Variants in TRIQK observed in about 807,000 individuals in gnomAD.
TRIQK encodes the protein triple QxxK/R motif-containing protein.
A neutral mutation model predicts 10.8 loss-of-function variants in TRIQK; 10 were observed. That is an observed-to-expected ratio of 0.92 (90% CI 0.57 to 1.57). TRIQK has a LOEUF of 1.57. TRIQK is among the 40% of genes most tolerant of loss of function. TRIQK has a pLI of 0.00. For synonymous variants in TRIQK, 33 were observed against 33.7 expected (o/e 0.98, Z 0.07); for missense variants, 107 against 97.7 (o/e 1.09, Z -0.40).
At chr8:93,008,147 AGGAG>A (rs1813292834) in intron 1 of TRIQK, among the ~76,000 whole-genome samples, 1 of 152,176 alleles carries the variant, frequency 6.6e-6, no homozygotes, top group Non-Finnish European at 1.5e-5. Context: ...GGGGGTGGAC[AGGAG>A]GGAGAGCATC....
chr8:92,897,001 G>A (rs1224809278), intron 3 of TRIQK, among the ~76,000 whole-genome samples: 1 of 151,968 alleles, frequency 6.6e-6, no homozygotes, highest in African/African-American at 2.4e-5. Flanking sequence ...ATTTTTAGTA[G>A]AGATGGGGTT....
intron 1 of TRIQK, among the ~76,000 whole-genome samples, chr8:92,988,391 TGAAAA>T (rs926908163): frequency 2.6e-4 from 40 of 152,276 alleles, no homozygotes; most frequent in African/African-American, 7.9e-4. Context: ...ATAAATTAAA[TGAAAA>T]GAAAAGTATG....
intron 3 of TRIQK, among the ~76,000 whole-genome samples, chr8:92,897,057 T>C (rs367668538): frequency 1.3e-5 from 2 of 152,110 alleles, no homozygotes; most frequent in East Asian, 3.9e-4. Flanking sequence ...CCTCAGGTGA[T>C]CCACCCACCT....
At chr8:93,010,044 C>T (rs1813316079) in intron 1 of TRIQK, among the ~76,000 whole-genome samples, 1 of 152,046 alleles carries the variant, frequency 6.6e-6, no homozygotes, top group African/African-American at 2.4e-5. Flanking sequence ...TATAATCACA[C>T]TCAGATGAGG....
chr8:93,001,172 T>TG (rs773410815), intron 1 of TRIQK, among the ~76,000 whole-genome samples: 6 of 151,452 alleles, frequency 4.0e-5, no homozygotes, highest in Non-Finnish European at 7.4e-5. Context: ...CGGGGCATGG[T>TG]GGCGGGTAGC....
intron 1 of TRIQK, among the ~76,000 whole-genome samples, chr8:92,983,161 G>C (rs920155040): frequency 6.6e-6 from 1 of 151,892 alleles, no homozygotes; most frequent in Admixed American, 6.6e-5. Flanking sequence ...CTGGACTAAG[G>C]AGACAGCAGG....
At chr8:92,898,910 AATGCATG>A (rs2130326229) in intron 3 of TRIQK, among the ~76,000 whole-genome samples, 1 of 144,680 alleles carries the variant, frequency 6.9e-6, no homozygotes, top group South Asian at 2.2e-4. Context: ...ACAAGCATAT[AATGCATG>A]ATAATCACAT....
chr8:92,931,916 C>T (rs186636050), intron 2 of TRIQK, among the ~76,000 whole-genome samples: 2 of 152,268 alleles, frequency 1.3e-5, no homozygotes, highest in Admixed American at 1.3e-4. Context: ...TTTTAAAATA[C>T]TGCATTTCAG....
At chr8:92,981,448 A>C (rs1812985882) in intron 1 of TRIQK, among the ~76,000 whole-genome samples, 1 of 152,056 alleles carries the variant, frequency 6.6e-6, no homozygotes, top group African/African-American at 2.4e-5. Context: ...TCATGAAATC[A>C]ATAGTTTCTA....
In TRIQK at chr8:92,966,116, CT is replaced by C. The variant is rs1812738349; in HGVS notation, c.-291del. ...GGCGGGACAAGCCAGCCGCACACCC[CT>C]ACTCCCAAAGGGTGAGGCGGAAAAG... is the stretch of plus-strand genomic sequence containing the variant. On this transcript the variant is annotated 5_prime_UTR_variant, in exon 1 of 5. Coordinates refer to ENST00000521988, the MANE Select transcript of TRIQK (RefSeq NM_001171797.2). 2 of 152,352 alleles carry C rather than the reference CT, an allele frequency of 1.3e-5. No individual in the cohort carries two copies. The highest frequency in any genetic ancestry group is 4.8e-5 in the African/African-American group (2 of 41,454). The allele number at this position is 152,352 out of a possible 1,614,324, so 9.4% of individuals were successfully genotyped here.
rs375159998 is a variant in TRIQK, at chr8:92,984,042, A to G, written c.-180-29478T>C. 7.2e-5 allele frequency among the ~76,000 whole-genome samples: 11 copies of G among 152,174 alleles called. No individual in the cohort carries two copies. In the East Asian group the frequency reaches 1.4e-3, roughly 19 times the overall value. On this transcript the variant is annotated intron_variant, in intron 1 of 4. Transcript: ENST00000520686. ...ATATCTATTTGTCTAAATCACAGAA[A>G]TGGAATGCTAAATTGAGATAATACA...
At chr8:92,913,287 C>A (rs1019420073) in intron 3 of TRIQK, among the ~76,000 whole-genome samples, 5 of 151,932 alleles carry the variant, frequency 3.3e-5, no homozygotes, top group African/African-American at 9.7e-5. Context: ...AAGAAAAAAA[C>A]CCCATCAAAA....
chr8:92,989,714 A>G (rs1486608723), intron 1 of TRIQK, among the ~76,000 whole-genome samples: 1 of 152,186 alleles, frequency 6.6e-6, no homozygotes, highest in Non-Finnish European at 1.5e-5. Context: ...TATACAATAA[A>G]TGTAATGCGT....
At chr8:92,913,036 A>C (rs1403567112) in intron 3 of TRIQK, among the ~76,000 whole-genome samples, 1 of 152,174 alleles carries the variant, frequency 6.6e-6, no homozygotes, top group African/African-American at 2.4e-5. Flanking sequence ...TTCTCTTATG[A>C]ACATAAAACA....
chr8:92,964,634 A>AT (rs1206660169), intron 1 of TRIQK, among the ~76,000 whole-genome samples: 1 of 151,724 alleles, frequency 6.6e-6, no homozygotes, highest in African/African-American at 2.4e-5. Flanking sequence ...CACAAGGGAA[A>AT]TTTGAAAATA....
chr8:92,988,104 G>A (rs1387130436), intron 1 of TRIQK, among the ~76,000 whole-genome samples: 5 of 149,298 alleles, frequency 3.3e-5, no homozygotes, highest in Non-Finnish European at 4.4e-5. Flanking sequence ...TCCGCCTCCC[G>A]GGTTCACACC....
At chr8:92,996,668 T>G (rs553044972) in intron 1 of TRIQK, among the ~76,000 whole-genome samples, 144 of 152,120 alleles carry the variant, frequency 9.5e-4, no homozygotes, top group African/African-American at 3.2e-3. Flanking sequence ...GTTAACATAT[T>G]ACATAGTGAA....
At position 92,939,392 on chromosome 8, in the gene TRIQK, A is replaced by C. The variant is rs117194029; in HGVS notation, c.-22+15014T>G. Among the ~76,000 whole-genome samples the C allele has an allele frequency of 4.1e-3, 628 of 152,278 alleles. 19 individuals carry two copies. The East Asian group carries it at 0.068, about 16-fold the overall frequency. On this transcript the variant is annotated intron_variant, in intron 2 of 4. Coordinates refer to ENST00000521988, the MANE Select transcript of TRIQK (RefSeq NM_001171797.2). ...CAAAGGGGATAGAATGGCTTGACCC[A>C]GCAGGGTAAACAGCAGCTCCACACA...
chr8:92,920,433 A>G (rs545154360), intron 2 of TRIQK, among the ~76,000 whole-genome samples: 115 of 151,772 alleles, frequency 7.6e-4, no homozygotes, highest in Middle Eastern at 3.4e-3. Flanking sequence ...TTGGGGCTAA[A>G]AATGTTGGAA....
Sources: gnomAD v4.1 joint callset for allele counts (sites outside exome capture counted in the v4.1 genomes callset) on GRCh38, gnomAD v4.1.1 for gene constraint, MANE v1.5 for transcripts, NCBI Gene and HGNC (gene_info 2026-07-23, HGNC 2026-07-21) for gene names.